Variants in TGS1 observed in about 807,000 individuals in gnomAD.
TGS1 encodes the protein trimethylguanosine synthase.
In TGS1, 69 loss-of-function variants were observed where a neutral mutation model predicts 92.2. That is an observed-to-expected ratio of 0.75 (90% CI 0.62 to 0.91). The LOEUF is 0.91. TGS1 is among the 40% of genes least tolerant of loss of function. The pLI, the probability that TGS1 is intolerant of heterozygous loss-of-function variation, is 0.00. For missense variants in TGS1, 1,062 were observed against 1,001.2 expected (o/e 1.06, Z -0.82); for synonymous variants, 345 against 338.1 (o/e 1.02, Z -0.22).
At chr8:55,774,235 T>A (rs1307826812) in intron 1 of TGS1, among the ~76,000 whole-genome samples, 1 of 152,196 alleles carries the variant, frequency 6.6e-6, no homozygotes, top group Non-Finnish European at 1.5e-5. Flanking sequence ...AGGTAAAAAT[T>A]GCCCCACATG....
chr8:55,786,336 T>TGAA lies in TGS1; in HGVS notation c.444_446dup (p.Glu148dup). 1 of 1,610,236 alleles carries TGAA rather than the reference T, an allele frequency of 6.2e-7. No homozygotes were observed. The highest frequency in any genetic ancestry group is 8.5e-7 in the Non-Finnish European group (1 of 1,177,792). On this transcript the variant is annotated inframe_insertion, in exon 4 of 13. Transcript: ENST00000260129. ...TGCAAGAATCTTGGAGAAAAGAATA[T>TGAA]GAAGAAGACGACATTTTGGCTTCAG...
intron 8 of TGS1, among the ~76,000 whole-genome samples, chr8:55,800,529 T>G (rs1296466821): frequency 6.6e-6 from 1 of 152,210 alleles, no homozygotes; most frequent in African/African-American, 2.4e-5. Flanking sequence ...ATGCTGGTTA[T>G]TTTTACCTGG....
At chr8:55,782,708 T>C in intron 1 of TGS1, 40 bp from the exon 2 acceptor site, 1 of 1,500,144 alleles carries the variant, frequency 6.7e-7, no homozygotes, top group South Asian at 1.2e-5. Context: ...AACTGATGGC[T>C]TAATTCATTT....
intron 8 of TGS1, among the ~76,000 whole-genome samples, chr8:55,801,801 C>T (rs755562504): frequency 4.0e-5 from 6 of 151,892 alleles, no homozygotes; most frequent in African/African-American, 7.3e-5. Context: ...GTTGGTCAGG[C>T]TTGTCTTGAA....
Position 55,785,049 on chromosome 8 carries a change from G to GTGTTTTTTGTTTTC in TGS1, c.167-657_167-656insCTGTTTTTTGTTTT, listed in dbSNP as rs1811667791. On this transcript the variant is annotated intron_variant, in intron 2 of 12. Coordinates refer to ENST00000260129, the MANE Select transcript of TGS1 (RefSeq NM_024831.8). ...TACTACTCCATATTACTGTCAATTGGTGTTTTTTGTTTTTTGTTTTTTGTT... is the reference window on the plus strand; with the variant it reads ...TACTACTCCATATTACTGTCAATTGGTGTTTTTTGTTTTCTGTTTTTTGTTTTTTGTTTTTTGTT... Among the ~76,000 whole-genome samples the GTGTTTTTTGTTTTC allele has an allele frequency of 2.0e-5, 3 of 151,350 alleles. No individual in the cohort carries two copies. The South Asian group carries it at 6.3e-4, about 32-fold the overall frequency.
At chr8:55,814,674 A>ATATATATATATATAT (rs1554564802) in intron 12 of TGS1, among the ~76,000 whole-genome samples, 38 of 123,324 alleles carry the variant, frequency 3.1e-4, no homozygotes, top group African/African-American at 9.6e-4. Flanking sequence ...AAAAAAAAAA[A>ATATATATATATATAT]ATATATATAT....
At chr8:55,776,931 T>G (rs1378474800) in intron 1 of TGS1, among the ~76,000 whole-genome samples, 1 of 152,100 alleles carries the variant, frequency 6.6e-6, no homozygotes, top group Admixed American at 6.6e-5. Context: ...CTAAGTCCAT[T>G]AGTTTTTTTG....
chr8:55,781,369 AC>A (rs869144874), intron 1 of TGS1, among the ~76,000 whole-genome samples: 3 of 152,088 alleles, frequency 2.0e-5, no homozygotes, highest in African/African-American at 4.8e-5. Flanking sequence ...TTAAAAAAAA[AC>A]CAAAAATTTT....
Position 55,825,008 on chromosome 8 carries a change from G to C in TGS1, c.*305G>C. The C allele has an allele frequency of 4.6e-6, 1 of 218,990 alleles. No individual in the cohort carries two copies. The allele number at this position is 218,990 out of a possible 1,614,324, so 13.6% of individuals were successfully genotyped here. A position where few individuals can be genotyped will look rare whatever the true frequency, so the allele number is the denominator to read the frequency against. ...ATGATCACAGCTCACTGCAGGTTCA[G>C]CCTTCTGAGTTCAAGCAATCCTTCT... On this transcript the variant is annotated 3_prime_UTR_variant, in exon 13 of 13. Transcript: ENST00000260129.
chr8:55,802,423 A>C (rs1812243230), intron 8 of TGS1, 34 bp from the exon 9 acceptor site: 10 of 1,574,276 alleles, frequency 6.4e-6, no homozygotes, highest in Non-Finnish European at 8.7e-6. Flanking sequence ...TTTTTTTCTT[A>C]GTGAGCATCT....
rs199884741 is a variant in TGS1 at position 55,807,506 on chromosome 8, G to GTT, written c.2143+2482_2143+2483dup. ...GATATAGCTGGGTCATAAAGCAGGGGTTTTTTTTTTTTTGCTTTTTTCTTG... is the reference window on the plus strand; with the variant it reads ...GATATAGCTGGGTCATAAAGCAGGGGTTTTTTTTTTTTTTTGCTTTTTTCTTG... On this transcript the variant is annotated intron_variant, in intron 10 of 12. Coordinates refer to ENST00000260129, the MANE Select transcript of TGS1 (RefSeq NM_024831.8). Among the ~76,000 whole-genome samples, 720 of 138,688 alleles carry GTT rather than the reference G, an allele frequency of 5.2e-3. 2 individuals are homozygous for GTT. The highest frequency in any genetic ancestry group is 0.015 in the African/African-American group (584 of 38,080). The allele number at this position is 138,688 out of a possible 152,430, so 91.0% of individuals were successfully genotyped here.
intron 3 of TGS1, 26 bp downstream of exon 3, chr8:55,785,917 T>C: frequency 1.3e-6 from 2 of 1,548,040 alleles, no homozygotes; most frequent in South Asian, 1.2e-5. Context: ...CTTTTATTAT[T>C]TCTCTCTCTT....
At chr8:55,804,338 G>A (rs1022933074) in intron 9 of TGS1, among the ~76,000 whole-genome samples, 2 of 152,176 alleles carry the variant, frequency 1.3e-5, no homozygotes, top group Non-Finnish European at 2.9e-5. Flanking sequence ...CTACTCAGGA[G>A]GCTGAAGCAT....
intron 8 of TGS1, among the ~76,000 whole-genome samples, chr8:55,800,542 T>C (rs1233123119): frequency 6.6e-6 from 1 of 152,210 alleles, no homozygotes; most frequent in Non-Finnish European, 1.5e-5. Flanking sequence ...TTACCTGGGG[T>C]AGTACCACCT....
Position 55,799,131 on chromosome 8 carries a change from A to G in TGS1, c.1760A>G (p.Tyr587Cys), listed in dbSNP as rs140561888. Reference sequence around the variant, plus strand: ...GCTGGTGAACTTGAAACAGAAAACTATGAAAGAGACAGCTTGCTAGCAACT... The same window carrying G: ...GCTGGTGAACTTGAAACAGAAAACTGTGAAAGAGACAGCTTGCTAGCAACT... Reference protein sequence around the residue: ...SSAGELETENYERDSLLATVP... With the variant: ...SSAGELETENCERDSLLATVP... The change falls in exon 8 of 13, where the codon TAT becomes TGT. Residue 587 changes from tyrosine to cysteine, a missense_variant. Tyr to Cys is a radical substitution (Grantham distance 194). Coordinates refer to ENST00000260129, the MANE Select transcript of TGS1 (RefSeq NM_024831.8). 661 of 1,614,176 alleles carry G rather than the reference A, an allele frequency of 4.1e-4. 3 individuals carry two copies. In the African/African-American group the frequency reaches 6.5e-3, roughly 16 times the overall value.
rs1166211882 is a variant in TGS1, at chr8:55,785,728, CG to C, written c.177del (p.Thr60GlnfsTer21). 6.2e-7 allele frequency: 1 copy of C among 1,603,992 alleles called. No homozygotes were observed. The highest frequency in any genetic ancestry group is 1.3e-5 in the African/African-American group (1 of 74,334). On this transcript the variant is annotated frameshift_variant, in exon 3 of 13. Coordinates refer to ENST00000260129, the MANE Select transcript of TGS1 (RefSeq NM_024831.8). LOFTEE classifies it high-confidence loss of function. ...RDSGNNSGDQ[A>X]TEEEEGGYSC... ...TAAATGGTGTCTATAGGAGACCAGG[CG>C]ACAGAAGAAGAGGAAGGTGGTTATT...
intron 1 of TGS1, 100 bp downstream of exon 1, chr8:55,773,819 A>G: frequency 1.0e-6 from 1 of 954,000 alleles, no homozygotes; most frequent in Non-Finnish European, 1.6e-6. Context: ...AAGCAGCCAG[A>G]ACATCTGACC....
At chr8:55,781,369 A>C (rs954044515) in intron 1 of TGS1, among the ~76,000 whole-genome samples, 1 of 152,088 alleles carries the variant, frequency 6.6e-6, no homozygotes, top group Non-Finnish European at 1.5e-5. Context: ...TTAAAAAAAA[A>C]CCAAAAATTT....
intron 11 of TGS1, among the ~76,000 whole-genome samples, chr8:55,812,398 G>A (rs1803362101): frequency 6.6e-6 from 1 of 150,624 alleles, no homozygotes; most frequent in African/African-American, 2.4e-5. Context: ...CATGGTGGTG[G>A]GCACCTGTAA....
Sources: gnomAD v4.1 joint callset for allele counts (sites outside exome capture counted in the v4.1 genomes callset) on GRCh38, gnomAD v4.1.1 for gene constraint, MANE v1.5 for transcripts, NCBI Gene and HGNC (gene_info 2026-07-23, HGNC 2026-07-21) for gene names.